The following VTA1 variants were observed in gnomAD, a reference collection of about 807,000 sequenced individuals.
VTA1 encodes the protein vesicle trafficking 1, also known as vacuolar protein sorting-associated protein VTA1 homolog.
In VTA1, 24 loss-of-function variants were observed where a neutral mutation model predicts 36.9. That is an observed-to-expected ratio of 0.65 (90% confidence interval 0.47 to 0.91). The LOEUF is 0.91. Among genes scored for constraint, VTA1 ranks in the 40% least tolerant of loss-of-function variants. The pLI is 0.00. For missense variants in VTA1, 393 were observed against 377.2 expected (o/e 1.04, Z -0.35); for synonymous variants, 142 against 130.2 (o/e 1.09, Z -0.62).
chr6:142,193,070 T>A (rs1775483756), intron 5 of VTA1, among the ~76,000 whole-genome samples: 1 of 152,150 alleles, frequency 6.6e-6, no homozygotes, highest in Non-Finnish European at 1.5e-5. Flanking sequence ...ACACGTTGCA[T>A]CTGGGTGCCA....
chr6:142,204,148 A>G, intron 7 of VTA1, 83 bp downstream of exon 7: 8 of 1,193,128 alleles, frequency 6.7e-6, no homozygotes, highest in South Asian at 2.5e-5. Flanking sequence ...ACAGTACCAT[A>G]TATTTAAATG....
chr6:142,187,935 G>A (rs1489724175), intron 4 of VTA1, among the ~76,000 whole-genome samples: 1 of 127,706 alleles, frequency 7.8e-6, no homozygotes. Flanking sequence ...TTTTTTGGCC[G>A]GGAGGAGGTC....
intron 7 of VTA1, among the ~76,000 whole-genome samples, chr6:142,213,410 G>A (rs956845363): frequency 6.6e-6 from 1 of 152,180 alleles, no homozygotes; most frequent in Non-Finnish European, 1.5e-5. Flanking sequence ...TTGAGTGCCT[G>A]TGACTTTTCC....
chr6:142,149,336 G>T (rs929221468), intron 1 of VTA1, among the ~76,000 whole-genome samples: 9 of 152,114 alleles, frequency 5.9e-5, no homozygotes, highest in African/African-American at 2.2e-4. Context: ...ACATATAAAA[G>T]CATATGTAAT....
At chr6:142,212,201 A>C (rs960498468) in intron 7 of VTA1, among the ~76,000 whole-genome samples, 2 of 152,252 alleles carry the variant, frequency 1.3e-5, no homozygotes, top group Non-Finnish European at 2.9e-5. Flanking sequence ...TATTCATATG[A>C]AAACCTGCAA....
rs139774759 is a variant in VTA1, at chr6:142,189,979, G to C, written c.520+445G>C. Among the ~76,000 whole-genome samples, 927 of 152,064 alleles carry C rather than the reference G, an allele frequency of 6.1e-3. 8 individuals are homozygous for C. Among genetic ancestry groups the C allele is most frequent in the African/African-American group, 0.02 (849 of 41,484 alleles). On this transcript the variant is annotated intron_variant, in intron 5 of 7. Coordinates refer to ENST00000367630, the MANE Select transcript of VTA1 (RefSeq NM_016485.5). ...TCACTGTGTTAGACAGGATGGTCTC[G>C]ATCTCCTGACCTTGTGATCCGCCCA...
At chr6:142,194,474 C>T (rs985981258) in intron 5 of VTA1, among the ~76,000 whole-genome samples, 2 of 152,006 alleles carry the variant, frequency 1.3e-5, no homozygotes, top group African/African-American at 2.4e-5. Flanking sequence ...GTTTTTACCT[C>T]TTTTGTTAAA....
chr6:142,179,751 A>G (rs1775192382), intron 4 of VTA1, among the ~76,000 whole-genome samples: 1 of 152,228 alleles, frequency 6.6e-6, no homozygotes, highest in African/African-American at 2.4e-5. Flanking sequence ...CTGAAGATGT[A>G]TGCATCTCAA....
chr6:142,212,904 A>G (rs567964301), intron 7 of VTA1, among the ~76,000 whole-genome samples: 1 of 152,302 alleles, frequency 6.6e-6, no homozygotes, highest in South Asian at 2.1e-4. Context: ...TCAATTCAAC[A>G]TGAGGTTTGG....
chr6:142,148,515 T>A (rs972773436), intron 1 of VTA1, among the ~76,000 whole-genome samples: 1 of 152,284 alleles, frequency 6.6e-6, no homozygotes, highest in Middle Eastern at 3.4e-3. Flanking sequence ...TCAAGCAGGG[T>A]CCATATTCAT....
At chr6:142,180,993 G>A (rs995468878) in intron 4 of VTA1, among the ~76,000 whole-genome samples, 9 of 146,892 alleles carry the variant, frequency 6.1e-5, no homozygotes, top group Admixed American at 4.1e-4. Context: ...TAAATTTTCC[G>A]ATTTTTGAGA....
Position 142,204,040 on chromosome 6 carries a change from C to T in VTA1, c.753C>T (p.Pro251=), listed in dbSNP as rs140071479. Residue 251 remains proline (P), a synonymous_variant, in exon 7 of 8, where the codon CCC becomes CCT. Transcript: ENST00000367630. The stretch of plus-strand genomic sequence containing the variant: ...CACAGACTATACCTGCCATTGATCC[C>T]GCACTTTTCAATACAATTTCCCAGG... ...PTPQTIPAID[P]ALFNTISQGD... The T allele has an allele frequency of 2.7e-5, 44 of 1,613,514 alleles. No homozygotes were observed. Among genetic ancestry groups the T allele is most frequent in the African/African-American group, 2.3e-4 (17 of 74,970 alleles).
intron 5 of VTA1, among the ~76,000 whole-genome samples, chr6:142,196,312 T>C (rs1275739511): frequency 1.3e-5 from 2 of 152,178 alleles, no homozygotes; most frequent in Admixed American, 6.5e-5. Flanking sequence ...TCATTGATTC[T>C]ATTTGTCTGT....
chr6:142,192,562 A>G (rs1410093444), intron 5 of VTA1, among the ~76,000 whole-genome samples: 1 of 152,122 alleles, frequency 6.6e-6, no homozygotes, highest in Non-Finnish European at 1.5e-5. Flanking sequence ...AAAGAATTCC[A>G]GTATGCCTTT....
At chr6:142,204,346 C>T (rs1372912553) in intron 7 of VTA1, among the ~76,000 whole-genome samples, 2 of 152,078 alleles carry the variant, frequency 1.3e-5, no homozygotes, top group East Asian at 3.9e-4. Flanking sequence ...GGAGCCAAGG[C>T]TACCATGGAA....
chr6:142,198,159 GTGTGTA>G (rs754341174), intron 5 of VTA1, among the ~76,000 whole-genome samples: 23,148 of 114,788 alleles, frequency 0.2, 2,235 homozygotes, highest in Non-Finnish European at 0.3. Flanking sequence ...GTGTGTGTGT[GTGTGTA>G]TATGTGTGTA....
At chr6:142,214,002 T>G (rs560641255) in intron 7 of VTA1, among the ~76,000 whole-genome samples, 74 of 152,218 alleles carry the variant, frequency 4.9e-4, no homozygotes, top group Non-Finnish European at 8.8e-4. Flanking sequence ...AAACAGGGTT[T>G]TTTTTTTGTA....
chr6:142,155,386 A>G (rs1170489267), intron 1 of VTA1, among the ~76,000 whole-genome samples: 2 of 152,208 alleles, frequency 1.3e-5, no homozygotes, highest in Non-Finnish European at 2.9e-5. Context: ...TACATTTATG[A>G]TAAGCTCAAA....
At chr6:142,165,905 T>C (rs1774904594) in intron 1 of VTA1, among the ~76,000 whole-genome samples, 2 of 152,206 alleles carry the variant, frequency 1.3e-5, no homozygotes, top group African/African-American at 4.8e-5. Context: ...CTTGTACATA[T>C]GGTTGTTTGC....
Sources: gnomAD v4.1 joint callset for allele counts (sites outside exome capture counted in the v4.1 genomes callset) on GRCh38, gnomAD v4.1.1 for gene constraint, MANE v1.5 for transcripts, NCBI Gene and HGNC (gene_info 2026-07-23, HGNC 2026-07-21) for gene names.